Variants in MMAA observed in about 807,000 individuals in gnomAD.
MMAA encodes methylmalonic aciduria type A protein, mitochondrial.
Under a neutral mutation model 45.0 loss-of-function variants are expected in MMAA, and 41 were observed. The observed-to-expected ratio is 0.91, with a 90% CI of 0.71 to 1.18. MMAA has a LOEUF of 1.18. MMAA is among the 50% of genes most tolerant of loss of function. The pLI, the probability that MMAA is intolerant of heterozygous loss-of-function variation, is 0.00. For missense variants in MMAA, 460 were observed against 495.7 expected, an observed-to-expected ratio of 0.93 and a Z score of 0.68; for synonymous variants, 154 against 178.2, an observed-to-expected ratio of 0.86 and a Z score of 1.08.
At chr4:145,654,733 C>T (rs1435512656) in intron 6 of MMAA, among the ~76,000 whole-genome samples, 1 of 152,182 alleles carries the variant, frequency 6.6e-6, no homozygotes, top group East Asian at 1.9e-4. Context: ...AGCTCTTCCA[C>T]TTGCTAAATC....
intron 6 of MMAA, among the ~76,000 whole-genome samples, chr4:145,654,349 G>A (rs1171586986): frequency 6.6e-6 from 1 of 152,174 alleles, no homozygotes; most frequent in African/African-American, 2.4e-5. Flanking sequence ...GATCAGAGAT[G>A]ATAGATGTGA....
intron 1 of MMAA, among the ~76,000 whole-genome samples, chr4:145,627,076 C>T (rs529396332): frequency 6.6e-6 from 1 of 152,260 alleles, no homozygotes; most frequent in Non-Finnish European, 1.5e-5. Context: ...GTGATAAAAC[C>T]TGCAGTATAA....
At position 145,645,142 on chromosome 4, in the gene MMAA, A is replaced by G. The variant is rs373798544; in HGVS notation, c.563-844A>G. ...CAGCTTGAAGATATATTTGTGTAGC[A>G]TTTACGTAAGGTTGAGAAAATGTCA... On this transcript the variant is annotated intron_variant, in intron 3 of 6. Transcript: ENST00000649156. Among the ~76,000 whole-genome samples, 5 of 152,316 alleles carry G rather than the reference A, an allele frequency of 3.3e-5. No individual in the cohort carries two copies. The East Asian group carries it at 9.6e-4, about 29-fold the overall frequency.
In MMAA at chr4:145,626,602, G is replaced by T. The variant is rs150153446; in HGVS notation, c.-66+7195G>T. ...ATAATCAGGCATATTCAGATATACAGGATTATTTTATTTTCTCTAGAGTTG... is the reference window on the plus strand; with the variant it reads ...ATAATCAGGCATATTCAGATATACATGATTATTTTATTTTCTCTAGAGTTG... On this transcript the variant is annotated intron_variant, in intron 1 of 6. Transcript: ENST00000649156. Among the ~76,000 whole-genome samples, 370 of 152,242 alleles carry T rather than the reference G, an allele frequency of 2.4e-3. 1 individual carries two copies. The highest frequency in any genetic ancestry group is 8.1e-3 in the African/African-American group (335 of 41,530).
chr4:145,621,093 G>A (rs377471152), intron 1 of MMAA, among the ~76,000 whole-genome samples: 2 of 152,190 alleles, frequency 1.3e-5, no homozygotes, highest in Admixed American at 6.5e-5. Flanking sequence ...TCTTAGAGGT[G>A]ATTAGCACCT....
chr4:145,620,340 G>T (rs1256920428), intron 1 of MMAA, among the ~76,000 whole-genome samples: 1 of 152,204 alleles, frequency 6.6e-6, no homozygotes, highest in African/African-American at 2.4e-5. Context: ...CACCATTTGA[G>T]ATATTTGAAG....
chr4:145,645,661 T>C (rs1727910175), intron 3 of MMAA, among the ~76,000 whole-genome samples: 1 of 152,168 alleles, frequency 6.6e-6, no homozygotes, highest in Non-Finnish European at 1.5e-5. Flanking sequence ...GATGTTAAGA[T>C]GACAGTAAAG....
intron 5 of MMAA, among the ~76,000 whole-genome samples, chr4:145,652,489 G>A (rs962165136): frequency 6.6e-6 from 1 of 152,104 alleles, no homozygotes; most frequent in South Asian, 2.1e-4. Context: ...AGCACTTTGG[G>A]AGGCCGAGGT....
intron 1 of MMAA, chr4:145,625,770 G>A (rs1734191068): frequency 1.6e-6 from 2 of 1,243,258 alleles, no homozygotes; most frequent in Admixed American, 1.7e-5. Context: ...GAGCTGCTGA[G>A]CCTGCTGTTG....
intron 3 of MMAA, among the ~76,000 whole-genome samples, chr4:145,644,848 T>C (rs1280526121): frequency 6.6e-6 from 1 of 152,210 alleles, no homozygotes; most frequent in African/African-American, 2.4e-5. Context: ...TGAAGGATGC[T>C]TATTTAGCAG....
chr4:145,655,283 A>G lies in MMAA; in HGVS notation c.1106A>G (p.Asn369Ser). 6.2e-7 allele frequency: 1 copy of G among 1,614,180 alleles called. No individual in the cohort carries two copies. The change falls in exon 7 of 7, where the codon AAT becomes AGT. Residue 369 changes from asparagine (N) to serine (S), a missense_variant. Physicochemically the swap from Asn to Ser is conservative, Grantham distance 46. Transcript: ENST00000649156. Reference protein sequence around the residue: ...RRKQQKVWMWNLIQESVLEHF... With the variant: ...RRKQQKVWMWSLIQESVLEHF... ...AAGCAACAGAAAGTTTGGATGTGGA[A>G]TCTCATTCAGGAAAGTGTGTTAGAG... is the stretch of plus-strand genomic sequence containing the variant.
At chr4:145,643,016 A>G (rs1203798800) in intron 3 of MMAA, among the ~76,000 whole-genome samples, 2 of 152,220 alleles carry the variant, frequency 1.3e-5, no homozygotes, top group Admixed American at 1.3e-4. Context: ...AGTATTTAGC[A>G]TAGTACATTG....
chr4:145,632,899 A>G (rs1249979795), intron 1 of MMAA, among the ~76,000 whole-genome samples: 4 of 151,814 alleles, frequency 2.6e-5, no homozygotes. Flanking sequence ...CTGGGACTAC[A>G]GCCATCACAC....
Position 145,639,145 on chromosome 4 carries a change from C to A in MMAA, c.6C>A (p.Pro2=). The change falls in exon 2 of 7, where the codon CCC becomes CCA. Residue 2 remains proline (P), a synonymous_variant. Coordinates refer to ENST00000649156, the MANE Select transcript of MMAA (RefSeq NM_172250.3). M[P]MLLPHPHQHF... ...CAGTTACAAATAAAACGAATATGCC[C>A]ATGCTGCTACCACATCCTCACCAGC... The A allele has an allele frequency of 1.2e-6, 2 of 1,614,078 alleles. No individual in the cohort carries two copies. The highest frequency in any genetic ancestry group is 1.7e-6 in the Non-Finnish European group (2 of 1,179,954).
At chr4:145,649,611 A>G (rs539253084) in intron 4 of MMAA, among the ~76,000 whole-genome samples, 4 of 152,210 alleles carry the variant, frequency 2.6e-5, no homozygotes, top group Non-Finnish European at 5.9e-5. Flanking sequence ...TGACTCATTC[A>G]TCATATCTCG....
At position 145,657,165 on chromosome 4, in the gene MMAA, G is replaced by A. The variant is rs961664728; in HGVS notation, c.*1731G>A. On this transcript the variant is annotated 3_prime_UTR_variant, in exon 7 of 7. Transcript: ENST00000649156. The stretch of plus-strand genomic sequence containing the variant: ...AGGAAAGGTGGGGGGACTTTTGTTA[G>A]CTTTAATTTTAAGGCTAAAAGCATT... 1 of 152,140 alleles carries A rather than the reference G, an allele frequency of 6.6e-6. No homozygotes were observed. Among genetic ancestry groups the A allele is most frequent in the African/African-American group, 2.4e-5 (1 of 41,436 alleles). 9.4% of individuals were successfully genotyped at this position (152,140 alleles called of 1,614,324 possible).
At chr4:145,647,152 G>A (rs1727948136) in intron 4 of MMAA, among the ~76,000 whole-genome samples, 2 of 152,176 alleles carry the variant, frequency 1.3e-5, no homozygotes, top group African/African-American at 2.4e-5. Flanking sequence ...TAGGAATGGC[G>A]ATGAGATAGA....
Position 145,655,507 on chromosome 4 carries a change from T to G in MMAA, c.*73T>G. On this transcript the variant is annotated 3_prime_UTR_variant, in exon 7 of 7. Transcript: ENST00000649156. ...TTTAATAGAAAAATCACTTGTATGC[T>G]TATATTTTCAGTAATTATTGTATGG... is the stretch of plus-strand genomic sequence containing the variant. The G allele has an allele frequency of 7.5e-7, 1 of 1,341,812 alleles. No individual in the cohort carries two copies. The allele number at this position is 1,341,812 out of a possible 1,614,324, so 83.1% of individuals were successfully genotyped here.
Position 145,658,648 on chromosome 4 carries a change from G to A in MMAA, c.*3214G>A, listed in dbSNP as rs1053121180. The A allele has an allele frequency of 1.4e-5, 2 of 138,398 alleles. No homozygotes were observed. The highest frequency in any genetic ancestry group is 7.6e-5 in the Admixed American group (1 of 13,146). The allele number at this position is 138,398 out of a possible 1,614,324, so 8.6% of individuals were successfully genotyped here. On this transcript the variant is annotated 3_prime_UTR_variant, in exon 7 of 7. Coordinates refer to ENST00000649156, the MANE Select transcript of MMAA (RefSeq NM_172250.3). ...GTGTACACTGAAGACAACAGCTAACGAACAACATACGTGTGATAATTTATG... is the reference window on the plus strand; with the variant it reads ...GTGTACACTGAAGACAACAGCTAACAAACAACATACGTGTGATAATTTATG...
Sources: gnomAD v4.1 joint callset for allele counts (sites outside exome capture counted in the v4.1 genomes callset) on GRCh38, gnomAD v4.1.1 for gene constraint, MANE v1.5 for transcripts, NCBI Gene and HGNC (gene_info 2026-07-23, HGNC 2026-07-21) for gene names.